The following MAP2K5 variants were observed in gnomAD, a reference collection of about 807,000 sequenced individuals.
The protein encoded by MAP2K5 is mitogen-activated protein kinase kinase 5, also known as dual specificity mitogen-activated protein kinase kinase 5.
In MAP2K5, 49 loss-of-function variants were observed where a neutral mutation model predicts 83.1. That is an observed-to-expected ratio of 0.59 (90% CI 0.47 to 0.75). The LOEUF (loss-of-function observed/expected upper bound fraction) is 0.75, where lower values mean the gene tolerates loss of function less well. MAP2K5 is among the 30% of genes least tolerant of loss of function. The probability of loss-of-function intolerance (pLI) is 0.00; values close to 1 mark genes in which losing one functional copy is unlikely to be tolerated. For synonymous variants in MAP2K5, 202 were observed against 191.8 expected, an observed-to-expected ratio of 1.05 and a Z score of -0.44; for missense variants, 457 against 557.5, an observed-to-expected ratio of 0.82 and a Z score of 1.82.
At chr15:67,695,326 A>G (rs1325960753) in intron 15 of MAP2K5, among the ~76,000 whole-genome samples, 1 of 152,064 alleles carries the variant, frequency 6.6e-6, no homozygotes, top group Non-Finnish European at 1.5e-5. Context: ...CTAAACCTAA[A>G]CCTTCTTCTC....
chr15:67,752,152 G>A (rs1299639084), intron 19 of MAP2K5, among the ~76,000 whole-genome samples: 1 of 151,970 alleles, frequency 6.6e-6, no homozygotes, highest in African/African-American at 2.4e-5. Flanking sequence ...GGCAACCTCT[G>A]CCTTCTGGGT....
intron 21 of MAP2K5, among the ~76,000 whole-genome samples, chr15:67,789,055 C>T (rs2090468468): frequency 6.6e-6 from 1 of 151,850 alleles, no homozygotes; most frequent in African/African-American, 2.4e-5. Context: ...ATCTTCCAGC[C>T]CTAATCTCTA....
At position 67,702,572 on chromosome 15, in the gene MAP2K5, A is replaced by C. The variant is rs1357381545; in HGVS notation, c.973-765A>C. On this transcript the variant is annotated intron_variant, in intron 15 of 21. Transcript: ENST00000178640. The surrounding 1 kb of genome is among the most constrained non-coding windows in gnomAD (Gnocchi z 4.6). ...AGCCATCTATGAAGTACTGTACTGA[A>C]TGCTAAATCCTAGAGGGATAGATAG... is the stretch of plus-strand genomic sequence containing the variant. 1.3e-5 allele frequency among the ~76,000 whole-genome samples: 2 copies of C among 152,222 alleles called. No individual in the cohort carries two copies. Among genetic ancestry groups the C allele is most frequent in the Admixed American group, 6.5e-5 (1 of 15,278 alleles).
intron 17 of MAP2K5, among the ~76,000 whole-genome samples, chr15:67,731,720 G>T (rs2089227265): frequency 6.6e-6 from 1 of 152,120 alleles, no homozygotes. Context: ...CCTTGCTTTA[G>T]GCAGGAATGG....
intron 8 of MAP2K5, chr15:67,628,118 C>A: frequency 1.2e-6 from 1 of 829,792 alleles, no homozygotes; most frequent in Non-Finnish European, 2.0e-6. Flanking sequence ...AGAGAGCTGT[C>A]TCAAGAGGAG....
chr15:67,610,751 A>AG (rs1284224711), intron 8 of MAP2K5, among the ~76,000 whole-genome samples: 1 of 152,124 alleles, frequency 6.6e-6, no homozygotes, highest in Non-Finnish European at 1.5e-5. Flanking sequence ...GCAAAATTTG[A>AG]GGGGGAATAG....
In MAP2K5 at chr15:67,769,844, A is replaced by C; in HGVS notation, c.1196+181A>C. On this transcript the variant is annotated intron_variant, in intron 20 of 21. Coordinates refer to ENST00000178640, the MANE Select transcript of MAP2K5 (RefSeq NM_145160.3). The surrounding 1 kb of genome is among the most constrained non-coding windows in gnomAD (Gnocchi z 5.2). ...TGTTTAAATTATGTAAACGTTATTT[A>C]CACAAAGGGTCATAAGCATACTTCA... 1 of 578,524 alleles carries C rather than the reference A, an allele frequency of 1.7e-6. No individual in the cohort carries two copies. The allele number at this position is 578,524 out of a possible 1,614,324, so 35.8% of individuals were successfully genotyped here.
chr15:67,678,786 A>G (rs900254590), intron 13 of MAP2K5, among the ~76,000 whole-genome samples: 1 of 152,088 alleles, frequency 6.6e-6, no homozygotes, highest in African/African-American at 2.4e-5. Flanking sequence ...CAATATGGAG[A>G]AACCCCATCT....
intron 7 of MAP2K5, among the ~76,000 whole-genome samples, chr15:67,599,043 A>G (rs2085592938): frequency 6.6e-6 from 1 of 152,252 alleles, no homozygotes; most frequent in Non-Finnish European, 1.5e-5. Context: ...TGATCAAAGT[A>G]AACCAAACAG....
chr15:67,547,090 A>ACACACACACACACACACACACT (rs1235991060), intron 1 of MAP2K5, among the ~76,000 whole-genome samples: 1 of 144,946 alleles, frequency 6.9e-6, no homozygotes, highest in Non-Finnish European at 1.5e-5. Context: ...ACACACACAC[A>ACACACACACACACACACACACT]CACACACACA....
At chr15:67,606,998 T>C (rs1314915669) in intron 8 of MAP2K5, among the ~76,000 whole-genome samples, 1 of 152,218 alleles carries the variant, frequency 6.6e-6, no homozygotes, top group East Asian at 1.9e-4. Flanking sequence ...TGGACCCAGC[T>C]TCGCTTGTGG....
chr15:67,685,647 TGAG>T (rs1478971379), intron 13 of MAP2K5, among the ~76,000 whole-genome samples: 1 of 152,040 alleles, frequency 6.6e-6, no homozygotes, highest in Non-Finnish European at 1.5e-5. Context: ...AAATAAAAGA[TGAG>T]AAGAAGAAAA....
chr15:67,719,350 G>T lies in MAP2K5; in HGVS notation c.1045-8566G>T, dbSNP rs150380460. ...GAAACAAGCAAACCAGGCACCTCCA[G>T]GTTGACCAGTCTCCAGGAGAGATCA... On this transcript the variant is annotated intron_variant, in intron 16 of 21. Coordinates refer to ENST00000178640, the MANE Select transcript of MAP2K5 (RefSeq NM_145160.3). The surrounding 1 kb of genome is among the most constrained non-coding windows in gnomAD (Gnocchi z 4.6). Among the ~76,000 whole-genome samples the T allele has an allele frequency of 8.5e-4, 129 of 152,244 alleles. 1 individual carries two copies. Among genetic ancestry groups the T allele is most frequent in the Middle Eastern group, 6.8e-3 (2 of 294 alleles).
intron 9 of MAP2K5, among the ~76,000 whole-genome samples, chr15:67,633,839 A>C (rs1483104706): frequency 6.6e-6 from 1 of 152,234 alleles, no homozygotes; most frequent in Non-Finnish European, 1.5e-5. Context: ...TAATAGTCAT[A>C]ATCTAAGAAA....
chr15:67,734,654 T>C (rs982024897), intron 17 of MAP2K5, among the ~76,000 whole-genome samples: 4 of 152,198 alleles, frequency 2.6e-5, no homozygotes, highest in African/African-American at 4.8e-5. Context: ...ACCACAGATA[T>C]CATTATCTTA....
At position 67,698,084 on chromosome 15, in the gene MAP2K5, C is replaced by T. The variant is rs956616012; in HGVS notation, c.972+4516C>T. On this transcript the variant is annotated intron_variant, in intron 15 of 21. Coordinates refer to ENST00000178640, the MANE Select transcript of MAP2K5 (RefSeq NM_145160.3). This position sits in a 1 kb window ranked among gnomAD's most constrained non-coding sequence, Gnocchi z 4.5. ...GGTTCAATAGATACCTTCATCCAAA[C>T]CATGAAAGATTTTCAACCACATTTT... 3.3e-5 allele frequency among the ~76,000 whole-genome samples: 5 copies of T among 152,126 alleles called. No homozygotes were observed. The highest frequency in any genetic ancestry group is 6.5e-5 in the Admixed American group (1 of 15,272).
intron 13 of MAP2K5, among the ~76,000 whole-genome samples, chr15:67,675,163 T>G (rs2087646458): frequency 6.6e-6 from 1 of 152,202 alleles, no homozygotes; most frequent in Non-Finnish European, 1.5e-5. Context: ...TTATTGCAGC[T>G]CTATTCATCA....
intron 13 of MAP2K5, among the ~76,000 whole-genome samples, chr15:67,681,347 G>A (rs188122783): frequency 1.7e-4 from 26 of 152,320 alleles, no homozygotes; most frequent in Admixed American, 1.7e-3. Flanking sequence ...TGAGTGTTGT[G>A]AGTACACACA....
intron 21 of MAP2K5, among the ~76,000 whole-genome samples, chr15:67,788,354 G>T (rs1596976042): frequency 6.6e-6 from 1 of 152,234 alleles, no homozygotes; most frequent in Admixed American, 6.5e-5. Flanking sequence ...ATCACTGCTG[G>T]GTTATACAGG....
Sources: allele counts gnomAD v4.1 joint callset (sites outside exome capture counted in the v4.1 genomes callset), GRCh38; gene constraint gnomAD v4.1.1; non-coding constraint Gnocchi (gnomAD v3.1); transcripts MANE v1.5; gene names NCBI Gene and HGNC (gene_info 2026-07-23, HGNC 2026-07-21).